INSRR: variants seen among roughly 807,000 people sequenced by gnomAD.
The protein encoded by INSRR is insulin receptor related receptor, also known as insulin receptor-related protein.
INSRR carries 114 observed loss-of-function variants against 130.0 expected under a neutral mutation model. That is an observed-to-expected ratio of 0.88 (90% CI 0.75 to 1.02). The LOEUF is 1.02. Among genes scored for constraint, INSRR ranks in the 50% least tolerant of loss-of-function variants. The pLI is 0.00. For synonymous variants in INSRR, 674 were observed against 705.2 expected, an observed-to-expected ratio of 0.96 and a Z score of 0.70; for missense variants, 1,657 against 1,735.2, an observed-to-expected ratio of 0.95 and a Z score of 0.80.
chr1:156,844,852 AG>A lies in INSRR; in HGVS notation c.2438-10del, dbSNP rs750284242. The A allele has an allele frequency of 6.2e-7, 1 of 1,613,760 alleles. No homozygotes were observed. On this transcript the variant is annotated splice_polypyrimidine_tract_variant and intron_variant, in intron 12 of 21. Transcript: ENST00000368195. ...AATACCATCAGCCTCTCCTGCGGGA[AG>A]GGGCATCCAGCAGCCGGGCCAAAAG...
In INSRR at chr1:156,854,314, A is replaced by G; in HGVS notation, c.86-11T>C. 6.3e-7 allele frequency: 1 copy of G among 1,599,902 alleles called. No homozygotes were observed. Among genetic ancestry groups the G allele is most frequent in the East Asian group, 2.2e-5 (1 of 44,690 alleles). ...CCAGGCTGGGGCACACTGTGGGCAT[A>G]CACGGCACGCAGCATTGAGTACAGC... On this transcript the variant is annotated splice_polypyrimidine_tract_variant and intron_variant, in intron 1 of 21. Transcript: ENST00000368195. The surrounding 1 kb of genome is among the most constrained non-coding windows in gnomAD (Gnocchi z 4.2).
chr1:156,851,249 G>A, intron 5 of INSRR, 41 bp downstream of exon 5: 1 of 1,611,114 alleles, frequency 6.2e-7, no homozygotes, highest in Non-Finnish European at 8.5e-7. Context: ...GTTGGAGGAA[G>A]GAGTGTAATA....
rs371683351 is a variant in INSRR, at chr1:156,849,052, G to T, written c.1445-5C>A. The T allele has an allele frequency of 1.2e-4, 187 of 1,612,178 alleles. No homozygotes were observed. The highest frequency in any genetic ancestry group is 1.5e-4 in the Non-Finnish European group (178 of 1,179,530). ...AGCGCAGGGTGCGAGTCTGGCCTGG[G>T]TGGGGCGAGGGGCCTGCTCGCAACC... On this transcript the variant is annotated splice_polypyrimidine_tract_variant and splice_region_variant and intron_variant, in intron 6 of 21. Transcript: ENST00000368195.
Position 156,852,859 on chromosome 1 carries a change from G to C in INSRR, c.638-668C>G, listed in dbSNP as rs557306194. ...CAACAGGGAGGCATCAGGGAGGTGG[G>C]GTGCAGCCGATACAGCAGGGATCTT... On this transcript the variant is annotated intron_variant, in intron 2 of 21. Transcript: ENST00000368195. 3.3e-5 allele frequency among the ~76,000 whole-genome samples: 5 copies of C among 152,252 alleles called. No homozygotes were observed. The South Asian group carries it at 8.3e-4, about 25-fold the overall frequency.
Position 156,851,287 on chromosome 1 carries a change from T to G in INSRR, c.1229+3A>C. 1 of 1,614,138 alleles carries G rather than the reference T, an allele frequency of 6.2e-7. No individual in the cohort carries two copies. The highest frequency in any genetic ancestry group is 1.1e-5 in the South Asian group (1 of 91,084). On this transcript the variant is annotated splice_donor_region_variant and intron_variant, in intron 5 of 21. Transcript: ENST00000368195. ...AGGAGCTGGTCAGAGGCCTAACCCT[T>G]ACCCATCCACCATGGCGTCTCCCCG... is the stretch of plus-strand genomic sequence containing the variant.
chr1:156,851,437 A>G lies in INSRR; in HGVS notation c.1085-3T>C. ...CTGCAGCTGTGGCTCCAGGTTGTCT[A>G]GGGATGGGAAGACAGGGCTGGAGTA... On this transcript the variant is annotated splice_region_variant and splice_polypyrimidine_tract_variant and intron_variant, in intron 4 of 21. Transcript: ENST00000368195. The G allele has an allele frequency of 1.9e-6, 3 of 1,614,122 alleles. No homozygotes were observed. The highest frequency in any genetic ancestry group is 2.5e-6 in the Non-Finnish European group (3 of 1,179,998).
In INSRR at chr1:156,851,304, G is replaced by T. The variant is rs141373320; in HGVS notation, c.1215C>A (p.Asp405Glu). The change falls in exon 5 of 22, where the codon GAC becomes GAA. Residue 405 changes from aspartate to glutamate, a missense_variant. Physicochemically the swap from Asp to Glu is conservative, Grantham distance 45 (BLOSUM62 2). Transcript: ENST00000368195. Reference sequence around the variant, plus strand: ...CTAACCCTTACCCATCCACCATGGCGTCTCCCCGGATTAGTTTGAGGTTCT... The same window carrying T: ...CTAACCCTTACCCATCCACCATGGCTTCTCCCCGGATTAGTTTGAGGTTCT... Reference protein sequence around the residue: ...FFKNLKLIRGDAMVDGNYTLY... With the variant: ...FFKNLKLIRGEAMVDGNYTLY... 7 of 1,614,116 alleles carry T rather than the reference G, an allele frequency of 4.3e-6. No homozygotes were observed. Among genetic ancestry groups the T allele is most frequent in the Non-Finnish European group, 5.9e-6 (7 of 1,180,020 alleles).
chr1:156,852,164 C>A lies in INSRR; in HGVS notation c.665G>T (p.Cys222Phe). 1 of 1,604,954 alleles carries A rather than the reference C, an allele frequency of 6.2e-7. No homozygotes were observed. The highest frequency in any genetic ancestry group is 1.1e-5 in the South Asian group (1 of 89,854). Residue 222 changes from cysteine (C) to phenylalanine (F), a missense_variant, in exon 3 of 22, where the codon TGC (cysteine) becomes TTC (phenylalanine). By Grantham distance (205) the Cys-to-Phe change is radical (BLOSUM62 -2). Coordinates refer to ENST00000368195, the MANE Select transcript of INSRR (RefSeq NM_014215.3). ...RVCPCPHGMACTARGECCHTE... is the reference protein window; with the variant it reads ...RVCPCPHGMAFTARGECCHTE... ...GTGGCAGCACTCGCCCCTCGCTGTG[C>A]AAGCCATCCCATGGGGGCAGGGGCA...
rs772792247 is a variant in INSRR, at chr1:156,853,781, C to A, written c.608G>T (p.Arg203Ile). 4.2e-5 allele frequency: 67 copies of A among 1,607,790 alleles called. No homozygotes were observed. Among genetic ancestry groups the A allele is most frequent in the Non-Finnish European group, 5.4e-5 (64 of 1,175,326 alleles). ...KTTFSGHTDY[R>I]CWTSSHCQRV... ...CTGGCAGTGGCTGGAGGTCCAGCAT[C>A]TGTAGTCAGTGTGCCCGCTGAAGGT... Residue 203 changes from arginine (R) to isoleucine (I), a missense_variant, in exon 2 of 22, where the codon AGA becomes ATA. Transcript: ENST00000368195.
intron 1 of INSRR, among the ~76,000 whole-genome samples, chr1:156,857,831 CT>C (rs757525446): frequency 4.3e-4 from 65 of 152,322 alleles, no homozygotes; most frequent in African/African-American, 1.3e-3. Flanking sequence ...TAATCCTTCC[CT>C]TTTTGAAGCT....
intron 8 of INSRR, 120 bp downstream of exon 8, chr1:156,846,398 GC>G (rs1437269966): frequency 2.4e-6 from 2 of 841,588 alleles, no homozygotes; most frequent in Non-Finnish European, 3.7e-6. Flanking sequence ...CAAGCATCTG[GC>G]CTTCCAGCCT....
At chr1:156,849,539 C>A in intron 5 of INSRR, 79 bp from the exon 6 acceptor site, 1 of 1,112,274 alleles carries the variant, frequency 9.0e-7, no homozygotes, top group East Asian at 2.5e-5. Context: ...TGGGTTCCTC[C>A]TGGAAGGGTT....
In INSRR at chr1:156,845,376, G is replaced by A. The variant is rs1298158763; in HGVS notation, c.2212C>T (p.Gln738Ter). The A allele has an allele frequency of 6.3e-7, 1 of 1,577,270 alleles. No individual in the cohort carries two copies. Among genetic ancestry groups the A allele is most frequent in the South Asian group, 1.2e-5 (1 of 85,106 alleles). The change falls in exon 11 of 22, where the codon CAA (glutamine) becomes TAA (stop). Residue 738 changes from glutamine to a stop codon, truncating the protein, a stop_gained. Transcript: ENST00000368195. LOFTEE classifies it high-confidence loss of function. Reference protein sequence around the residue: ...WKVTSINKSPQRDSGRHRRAA... With the variant: ...WKVTSINKSP ...ACCTGCCCTAGTCCTGCTCACCTTT[G>A]GGGGCTCTTGTTGATGGACGTCACC...
rs777563118 is a variant in INSRR, at chr1:156,842,185, G to C, written c.3324C>G (p.Ala1108=). 2 of 1,613,802 alleles carry C rather than the reference G, an allele frequency of 1.2e-6. No homozygotes were observed. The highest frequency in any genetic ancestry group is 1.7e-6 in the Non-Finnish European group (2 of 1,179,976). Residue 1108 remains alanine (A), a synonymous_variant, in exon 19 of 22, where the codon GCC becomes GCG. Transcript: ENST00000368195. ...EIADGMAYLA[A]NKFVHRDLAA... is the part of the protein sequence containing the mutation. ...CTAGATCTCGGTGCACAAACTTGTT[G>C]GCAGCAAGGTAGGCCATGCCGTCTG...
chr1:156,855,372 T>G (rs1655374566), intron 1 of INSRR, among the ~76,000 whole-genome samples: 2 of 152,110 alleles, frequency 1.3e-5, no homozygotes, highest in Non-Finnish European at 2.9e-5. Context: ...CCCAGCTAAT[T>G]TTTTGCATTT....
At chr1:156,845,345 C>T in intron 11 of INSRR, 27 bp downstream of exon 11, 1 of 1,606,580 alleles carries the variant, frequency 6.2e-7, no homozygotes, top group Non-Finnish European at 8.5e-7. Flanking sequence ...AGCCACGCCC[C>T]TCAGCACCTG....
Position 156,849,238 on chromosome 1 carries a change from G to A in INSRR, c.1444+8C>T. 1 of 1,613,224 alleles carries A rather than the reference G, an allele frequency of 6.2e-7. No homozygotes were observed. Among genetic ancestry groups the A allele is most frequent in the Non-Finnish European group, 8.5e-7 (1 of 1,179,892 alleles). On this transcript the variant is annotated splice_region_variant and intron_variant, in intron 6 of 21. Coordinates refer to ENST00000368195, the MANE Select transcript of INSRR (RefSeq NM_014215.3). Reference sequence around the variant, plus strand: ...GCGTGTCCACCGGCACTGGGGTTGGGGTCTCACAGGCGGCGCGGTCTCCGT... The same window carrying A: ...GCGTGTCCACCGGCACTGGGGTTGGAGTCTCACAGGCGGCGCGGTCTCCGT...
rs749011592 is a variant in INSRR, at chr1:156,854,296, GGGGCACACTGT to G, written c.86-4_92del. The G allele has an allele frequency of 1.2e-6, 2 of 1,609,246 alleles. No homozygotes were observed. The highest frequency in any genetic ancestry group is 1.7e-6 in the Non-Finnish European group (2 of 1,178,034). ...CCACCTCTGAGCGAATATCCAGGCT[GGGGCACACTGT>G]GGGCATACACGGCACGCAGCATTGA... On this transcript the variant is annotated splice_acceptor_variant and splice_polypyrimidine_tract_variant and coding_sequence_variant and intron_variant, in exon 2 of 22. Transcript: ENST00000368195. LOFTEE classifies it high-confidence loss of function. The surrounding 1 kb of genome is among the most constrained non-coding windows in gnomAD (Gnocchi z 4.2).
chr1:156,844,878 G>A, intron 12 of INSRR, 35 bp from the exon 13 acceptor site: 2 of 1,612,452 alleles, frequency 1.2e-6, no homozygotes, highest in South Asian at 2.2e-5. Flanking sequence ...CGGGCCAAAA[G>A]TGGTTCATCT....
Sources: gnomAD v4.1 joint callset for allele counts (sites outside exome capture counted in the v4.1 genomes callset) on GRCh38, gnomAD v4.1.1 for gene constraint, Gnocchi (gnomAD v3.1) non-coding constraint, MANE v1.5 for transcripts, NCBI Gene and HGNC (gene_info 2026-07-23, HGNC 2026-07-21) for gene names.